Variants in PCOLCE2 observed in about 807,000 individuals in gnomAD.
The protein encoded by PCOLCE2 is procollagen C-endopeptidase enhancer 2.
Under a neutral mutation model 47.0 loss-of-function variants are expected in PCOLCE2, and 42 were observed. The ratio of observed to expected loss-of-function variants is 0.89; its 90% CI spans 0.70 to 1.16. The LOEUF is 1.16. Among genes scored for constraint, PCOLCE2 ranks in the 50% most tolerant of loss-of-function variants. The probability of loss-of-function intolerance (pLI) is 0.00; values close to 1 mark genes in which losing one functional copy is unlikely to be tolerated. For missense variants in PCOLCE2, 500 were observed against 526.1 expected, an observed-to-expected ratio of 0.95 and a Z score of 0.49; for synonymous variants, 169 against 191.7, an observed-to-expected ratio of 0.88 and a Z score of 0.98.
At chr3:142,860,608 A>G (rs1255734153) in intron 2 of PCOLCE2, among the ~76,000 whole-genome samples, 5 of 152,252 alleles carry the variant, frequency 3.3e-5, no homozygotes, top group African/African-American at 1.2e-4. Flanking sequence ...AGGTTTCACC[A>G]TGTTGGTCAG....
intron 5 of PCOLCE2, among the ~76,000 whole-genome samples, chr3:142,831,548 T>C (rs567110675): frequency 6.6e-6 from 1 of 152,324 alleles, no homozygotes; most frequent in South Asian, 2.1e-4. Context: ...AGTGATGAAG[T>C]TATTTAAATA....
intron 2 of PCOLCE2, among the ~76,000 whole-genome samples, chr3:142,871,529 G>A (rs1423065023): frequency 6.6e-6 from 1 of 152,222 alleles, no homozygotes; most frequent in Admixed American, 6.5e-5. Flanking sequence ...GTGTTTTGTA[G>A]ATGTGGTTAA....
At chr3:142,852,765 A>T (rs2108199719) in intron 2 of PCOLCE2, among the ~76,000 whole-genome samples, 1 of 148,498 alleles carries the variant, frequency 6.7e-6, no homozygotes, top group African/African-American at 2.4e-5. Flanking sequence ...AATATATATT[A>T]TATATATGTA....
At chr3:142,846,992 G>C (rs906234507) in intron 3 of PCOLCE2, among the ~76,000 whole-genome samples, 4 of 152,158 alleles carry the variant, frequency 2.6e-5, no homozygotes, top group African/African-American at 9.7e-5. Context: ...TCCTTGAATA[G>C]GGACACACTT....
At chr3:142,826,447 C>G (rs547952425) in intron 6 of PCOLCE2, among the ~76,000 whole-genome samples, 1 of 152,322 alleles carries the variant, frequency 6.6e-6, no homozygotes, top group Admixed American at 6.5e-5. Context: ...GACCTGAAGT[C>G]ATGCCTTCTG....
chr3:142,879,521 C>T (rs1933562658), intron 2 of PCOLCE2, among the ~76,000 whole-genome samples: 1 of 152,154 alleles, frequency 6.6e-6, no homozygotes, highest in Non-Finnish European at 1.5e-5. Flanking sequence ...ACTGAGGCCC[C>T]AGTGGGAAAA....
chr3:142,831,514 G>GACT (rs1425129291), intron 5 of PCOLCE2, among the ~76,000 whole-genome samples: 2 of 152,070 alleles, frequency 1.3e-5, no homozygotes, highest in Non-Finnish European at 2.9e-5. Flanking sequence ...ACACAAAACG[G>GACT]ACTAAGACAC....
At position 142,827,679 on chromosome 3, in the gene PCOLCE2, G is replaced by A. The variant is rs149580213; in HGVS notation, c.865+2013C>T. On this transcript the variant is annotated intron_variant, in intron 6 of 8. Transcript: ENST00000295992. ...CGCTTCTTAAACCAGTACGGGTCGC[G>A]GAAGACCACCTTGGGGAGGGGCGCG... 4.5e-5 allele frequency: 59 copies of A among 1,312,236 alleles called. No homozygotes were observed. In the Admixed American group the frequency reaches 6.3e-4, roughly 14 times the overall value. 81.3% of individuals were successfully genotyped at this position (1,312,236 alleles called of 1,614,324 possible).
chr3:142,827,112 T>G, intron 6 of PCOLCE2: 7 of 1,443,604 alleles, frequency 4.8e-6, no homozygotes, highest in Non-Finnish European at 6.8e-6. Flanking sequence ...CTCTTTCTCC[T>G]GCACAGTCTT....
At chr3:142,837,784 T>C (rs1175194965) in intron 5 of PCOLCE2, among the ~76,000 whole-genome samples, 2 of 152,232 alleles carry the variant, frequency 1.3e-5, no homozygotes, top group Non-Finnish European at 2.9e-5. Flanking sequence ...CAGTTATATA[T>C]TGCAGCAGAG....
At chr3:142,833,101 C>T (rs1212967179) in intron 5 of PCOLCE2, among the ~76,000 whole-genome samples, 3 of 152,214 alleles carry the variant, frequency 2.0e-5, no homozygotes, top group Admixed American at 1.3e-4. Flanking sequence ...TTATCACACA[C>T]ATATGCATCA....
chr3:142,827,659 C>A, intron 6 of PCOLCE2: 2 of 1,430,368 alleles, frequency 1.4e-6, no homozygotes, highest in Non-Finnish European at 2.0e-6. Context: ...CCGTCCGCTT[C>A]TTAAACCAGT....
intron 3 of PCOLCE2, among the ~76,000 whole-genome samples, chr3:142,846,018 T>G (rs893096013): frequency 6.6e-6 from 1 of 152,212 alleles, no homozygotes; most frequent in African/African-American, 2.4e-5. Context: ...CCAGTGTTTC[T>G]GAGGAAATGG....
At chr3:142,856,293 A>G (rs2108201421) in intron 2 of PCOLCE2, among the ~76,000 whole-genome samples, 1 of 152,316 alleles carries the variant, frequency 6.6e-6, no homozygotes, top group Non-Finnish European at 1.5e-5. Flanking sequence ...GGCCTCTGCA[A>G]AAGTGTAACT....
chr3:142,852,644 A>G (rs1932974019), intron 2 of PCOLCE2, among the ~76,000 whole-genome samples: 1 of 141,886 alleles, frequency 7.0e-6, no homozygotes, highest in Non-Finnish European at 1.5e-5. Context: ...CATGCTGATC[A>G]AAATGTGTGT....
chr3:142,859,892 T>C (rs1286079533), intron 2 of PCOLCE2, among the ~76,000 whole-genome samples: 1 of 152,182 alleles, frequency 6.6e-6, no homozygotes, highest in Non-Finnish European at 1.5e-5. Context: ...CCTTCCCTTC[T>C]GGGATAAGAG....
chr3:142,850,072 G>C (rs897747486), intron 2 of PCOLCE2, among the ~76,000 whole-genome samples: 5 of 152,104 alleles, frequency 3.3e-5, no homozygotes, highest in African/African-American at 1.2e-4. Context: ...GAGTTCCAAA[G>C]AACTTAGAAC....
intron 4 of PCOLCE2, among the ~76,000 whole-genome samples, chr3:142,839,985 A>G (rs554211610): frequency 6.6e-6 from 1 of 152,314 alleles, no homozygotes; most frequent in African/African-American, 2.4e-5. Context: ...GTGTGTGAAT[A>G]TATGTGTAGG....
At chr3:142,841,325 C>T (rs1236121699) in intron 4 of PCOLCE2, among the ~76,000 whole-genome samples, 2 of 152,094 alleles carry the variant, frequency 1.3e-5, no homozygotes, top group Admixed American at 1.3e-4. Flanking sequence ...TGATTAAGAA[C>T]TCAATTGACA....
Sources: allele counts gnomAD v4.1 joint callset (sites outside exome capture counted in the v4.1 genomes callset), GRCh38; gene constraint gnomAD v4.1.1; transcripts MANE v1.5; gene names NCBI Gene and HGNC (gene_info 2026-07-23, HGNC 2026-07-21).